The following ALPK1 variants were observed in gnomAD, a reference collection of about 807,000 sequenced individuals.
ALPK1 encodes the protein alpha kinase 1, also known as alpha-protein kinase 1.
In ALPK1, 110 loss-of-function variants were observed where a neutral mutation model predicts 120.6. The ratio of observed to expected loss-of-function variants is 0.91; its 90% CI spans 0.78 to 1.07. ALPK1 has a LOEUF of 1.07. ALPK1 is among the 50% of genes least tolerant of loss of function. The pLI is 0.00. For missense variants in ALPK1, 1,498 were observed against 1,483.9 expected, an observed-to-expected ratio of 1.01 and a Z score of -0.16; for synonymous variants, 582 against 560.3, an observed-to-expected ratio of 1.04 and a Z score of -0.55.
chr4:112,373,961 G>T (rs1361705026), intron 2 of ALPK1, among the ~76,000 whole-genome samples: 1 of 152,200 alleles, frequency 6.6e-6, no homozygotes, highest in Non-Finnish European at 1.5e-5. Flanking sequence ...CTTCAATGTT[G>T]ATGGTTGCTG....
intron 6 of ALPK1, chr4:112,425,231 C>T (rs1301388767): frequency 6.4e-6 from 1 of 155,730 alleles, no homozygotes; most frequent in Admixed American, 6.4e-5. Flanking sequence ...CCACCCCACG[C>T]TCCGCAAAGC....
At chr4:112,349,551 G>GCGC (rs71595592) in intron 2 of ALPK1, among the ~76,000 whole-genome samples, 1 of 103,714 alleles carries the variant, frequency 9.6e-6, no homozygotes, top group Non-Finnish European at 1.9e-5. Context: ...CCCAACCCCT[G>GCGC]CCCCCCCCCG....
chr4:112,404,572 A>C (rs1280367572), intron 4 of ALPK1, among the ~76,000 whole-genome samples: 1 of 152,342 alleles, frequency 6.6e-6, no homozygotes, highest in East Asian at 1.9e-4. Flanking sequence ...ATCTGTTAAC[A>C]TTTGACTTAG....
At chr4:112,340,529 C>A (rs976352197) in intron 2 of ALPK1, among the ~76,000 whole-genome samples, 3 of 152,052 alleles carry the variant, frequency 2.0e-5, no homozygotes, top group Non-Finnish European at 2.9e-5. Context: ...TAGATCTATG[C>A]CCTTGGGTGG....
intron 2 of ALPK1, among the ~76,000 whole-genome samples, chr4:112,319,467 C>T (rs1728773395): frequency 6.6e-6 from 1 of 152,144 alleles, no homozygotes; most frequent in Admixed American, 6.5e-5. Context: ...GCCTTATAGT[C>T]AGAAAGTGTG....
In ALPK1 at chr4:112,396,966, A is replaced by T. The variant is rs146022413; in HGVS notation, c.276+14414A>T. ...ATTTTTTTTGTATTTTAACAGAGGT[A>T]GGTCATCACCAGGTTGCCCAGGCTG... On this transcript the variant is annotated intron_variant, in intron 4 of 15. Coordinates refer to ENST00000650871, the MANE Select transcript of ALPK1 (RefSeq NM_025144.4). Among the ~76,000 whole-genome samples, 1,349 of 152,154 alleles carry T rather than the reference A, an allele frequency of 8.9e-3. 24 individuals are homozygous for T. The highest frequency in any genetic ancestry group is 0.03 in the African/African-American group (1,248 of 41,522).
In ALPK1 at chr4:112,431,767, AG is replaced by A. The variant is rs764016406; in HGVS notation, c.2221del (p.Glu741LysfsTer6). 5.0e-6 allele frequency: 8 copies of A among 1,614,106 alleles called. No homozygotes were observed. The African/African-American group carries it at 9.3e-5, about 19-fold the overall frequency. On this transcript the variant is annotated frameshift_variant, in exon 11 of 16. Transcript: ENST00000650871. LOFTEE classifies it high-confidence loss of function. ...TGGGCACACATCCTTCAGTCCAAAA[AG>A]AAGAAGCCTTTGAAATAATTGTTGA... The part of the protein sequence containing the change: ...NMGTHPSVQK[E>X]EAFEIIVEFP...
At chr4:112,335,890 T>A (rs1161180966) in intron 2 of ALPK1, among the ~76,000 whole-genome samples, 2 of 152,158 alleles carry the variant, frequency 1.3e-5, no homozygotes, top group East Asian at 3.9e-4. Context: ...TTCTTGGGAT[T>A]TTTATTCAAT....
At chr4:112,390,237 A>G (rs1732346197) in intron 4 of ALPK1, among the ~76,000 whole-genome samples, 1 of 152,106 alleles carries the variant, frequency 6.6e-6, no homozygotes, top group African/African-American at 2.4e-5. Context: ...GGATTATTCC[A>G]TGCACATAGC....
intron 6 of ALPK1, among the ~76,000 whole-genome samples, chr4:112,424,848 T>C (rs1734165984): frequency 6.6e-6 from 1 of 152,118 alleles, no homozygotes; most frequent in Non-Finnish European, 1.5e-5. Context: ...CAGAGAATGG[T>C]GAGGGGGTAG....
intron 9 of ALPK1, 150 bp from the exon 10 acceptor site, chr4:112,428,999 C>CTTT (rs1249800037): frequency 5.6e-6 from 4 of 709,744 alleles, no homozygotes; most frequent in Non-Finnish European, 1.0e-5. Flanking sequence ...GTCTTTAGAC[C>CTTT]CACTTACTCT....
At chr4:112,400,792 C>T (rs1732872827) in intron 4 of ALPK1, among the ~76,000 whole-genome samples, 1 of 152,206 alleles carries the variant, frequency 6.6e-6, no homozygotes, top group Non-Finnish European at 1.5e-5. Context: ...ACTCCAGACT[C>T]ATCCTGTTGC....
intron 2 of ALPK1, among the ~76,000 whole-genome samples, chr4:112,365,943 A>G (rs1731130830): frequency 1.3e-5 from 2 of 152,222 alleles, no homozygotes; most frequent in South Asian, 4.1e-4. Context: ...GTAAACAAAA[A>G]CATATAGTGG....
At chr4:112,349,159 C>T (rs917128125) in intron 2 of ALPK1, among the ~76,000 whole-genome samples, 2 of 151,880 alleles carry the variant, frequency 1.3e-5, no homozygotes, top group South Asian at 4.1e-4. Flanking sequence ...AATTTCTATT[C>T]ATTAATTGAA....
At chr4:112,389,374 G>A (rs868013485) in intron 4 of ALPK1, among the ~76,000 whole-genome samples, 7 of 152,170 alleles carry the variant, frequency 4.6e-5, no homozygotes, top group Non-Finnish European at 7.4e-5. Context: ...TGAGATACCA[G>A]GGGTTGGTCA....
intron 2 of ALPK1, among the ~76,000 whole-genome samples, chr4:112,337,435 T>C (rs990591488): frequency 1.3e-5 from 2 of 152,154 alleles, no homozygotes; most frequent in Admixed American, 6.5e-5. Flanking sequence ...TGACTCAAAC[T>C]TGTAAGCCCA....
At chr4:112,383,378 G>A (rs753940468) in intron 4 of ALPK1, 2 of 151,780 alleles carry the variant, frequency 1.3e-5, no homozygotes, top group South Asian at 4.1e-4. Flanking sequence ...ATTGCTTTAC[G>A]TAAGATTGTA....
intron 1 of ALPK1, among the ~76,000 whole-genome samples, chr4:112,299,935 G>A (rs1419694350): frequency 1.3e-5 from 2 of 152,120 alleles, no homozygotes; most frequent in Non-Finnish European, 2.9e-5. Flanking sequence ...GGCCAGGGGG[G>A]ACTTTAAACA....
At chr4:112,319,399 T>C (rs1207699561) in intron 2 of ALPK1, among the ~76,000 whole-genome samples, 1 of 152,236 alleles carries the variant, frequency 6.6e-6, no homozygotes, top group Non-Finnish European at 1.5e-5. Flanking sequence ...TATTTAGTCA[T>C]TCTAAAATGA....
Sources: gnomAD v4.1 joint callset for allele counts (sites outside exome capture counted in the v4.1 genomes callset) on GRCh38, gnomAD v4.1.1 for gene constraint, MANE v1.5 for transcripts, NCBI Gene and HGNC (gene_info 2026-07-23, HGNC 2026-07-21) for gene names.